USP30: variants seen among roughly 807,000 people sequenced by gnomAD.
USP30 encodes the protein ubiquitin carboxyl-terminal hydrolase 30.
A neutral mutation model predicts 68.2 loss-of-function variants in USP30; 41 were observed. That is an observed-to-expected ratio of 0.60 (90% CI 0.47 to 0.78). The LOEUF is 0.78. USP30 is among the 30% of genes least tolerant of loss of function. USP30 has a pLI of 0.00. For missense variants in USP30, 522 were observed against 649.4 expected (o/e 0.80, Z 2.13); for synonymous variants, 229 against 253.7 (o/e 0.90, Z 0.93).
chr12:109,072,433 T>G (rs2041475894), intron 6 of USP30, 83 bp downstream of exon 6: 4 of 1,398,110 alleles, frequency 2.9e-6, no homozygotes, highest in Non-Finnish European at 4.0e-6. Context: ...AAAAAGATTT[T>G]TTTCTGGTGA....
At chr12:109,080,832 A>G (rs576372996) in intron 7 of USP30, among the ~76,000 whole-genome samples, 1 of 152,318 alleles carries the variant, frequency 6.6e-6, no homozygotes, top group East Asian at 1.9e-4. Flanking sequence ...GTACGGTAAC[A>G]TGTTATACAG....
chr12:109,055,191 C>T lies in USP30; in HGVS notation c.84-1491C>T, dbSNP rs115332242. Reference sequence around the variant, plus strand: ...TCTTAATATGTAGCAAAAGCATAACCAGCGTTCAAGTCAAGCCTGAAGTTA... The same window carrying T: ...TCTTAATATGTAGCAAAAGCATAACTAGCGTTCAAGTCAAGCCTGAAGTTA... On this transcript the variant is annotated intron_variant, in intron 1 of 12. Transcript: ENST00000257548. 4.8e-3 allele frequency among the ~76,000 whole-genome samples: 723 copies of T among 151,184 alleles called. 8 individuals are homozygous for T. Among genetic ancestry groups the T allele is most frequent in the African/African-American group, 0.016 (649 of 41,254 alleles).
intron 3 of USP30, among the ~76,000 whole-genome samples, chr12:109,036,121 T>C (rs369487038): frequency 8.5e-5 from 13 of 152,314 alleles, no homozygotes; most frequent in South Asian, 8.3e-4. Context: ...GGTTTCACCA[T>C]TGCACTTAAG....
intron 3 of USP30, among the ~76,000 whole-genome samples, chr12:109,041,377 A>G (rs1365854289): frequency 6.6e-6 from 1 of 152,058 alleles, no homozygotes; most frequent in South Asian, 2.1e-4. Context: ...TGGCTCACTC[A>G]TGTAATCCCA....
At chr12:109,058,245 G>A in intron 3 of USP30, 137 bp downstream of exon 3, 1 of 974,136 alleles carries the variant, frequency 1.0e-6, no homozygotes, top group South Asian at 2.0e-5. Context: ...AACACCAAGA[G>A]CCCAATAGAT....
chr12:109,067,238 C>G (rs548298575), intron 3 of USP30, among the ~76,000 whole-genome samples: 1 of 151,042 alleles, frequency 6.6e-6, no homozygotes, highest in Non-Finnish European at 1.5e-5. Context: ...CTCAGCCTCC[C>G]GAGTACCTGG....
chr12:109,083,813 G>C (rs2041873582), intron 11 of USP30, among the ~76,000 whole-genome samples: 3 of 152,156 alleles, frequency 2.0e-5, no homozygotes, highest in South Asian at 2.1e-4. Flanking sequence ...TTCCTATTTA[G>C]GGTCCCTTAC....
chr12:109,073,627 T>A, intron 7 of USP30, 95 bp downstream of exon 7: 1 of 1,116,632 alleles, frequency 9.0e-7, no homozygotes, highest in Non-Finnish European at 1.3e-6. Context: ...CATCGGTCAC[T>A]GGTGTTAGAG....
rs538833844 is a variant in USP30, at chr12:109,067,368, C to T, written c.377-156C>T. ...TCCTGACCTTGTAATCTGCCCACTT[C>T]GGCCTCCCAAAATTCTGGGATTACA... On this transcript the variant is annotated intron_variant, in intron 3 of 12. Transcript: ENST00000257548. Among the ~76,000 whole-genome samples, 75 of 152,088 alleles carry T rather than the reference C, an allele frequency of 4.9e-4. 2 individuals carry two copies. In the South Asian group the frequency reaches 0.014, roughly 28 times the overall value.
At chr12:109,026,837 T>C (rs781580249) in intron 2 of USP30, among the ~76,000 whole-genome samples, 2 of 152,212 alleles carry the variant, frequency 1.3e-5, no homozygotes, top group African/African-American at 2.4e-5. Context: ...AGTTAGGTTC[T>C]GGTGAGGGCT....
intron 3 of USP30, among the ~76,000 whole-genome samples, chr12:109,059,755 T>G (rs190030434): frequency 1.9e-3 from 286 of 152,332 alleles, no homozygotes; most frequent in African/African-American, 6.6e-3. Context: ...TCAACTGATC[T>G]GCCTGCCTCA....
chr12:109,039,450 T>A (rs1416308517), intron 3 of USP30, among the ~76,000 whole-genome samples: 1 of 152,230 alleles, frequency 6.6e-6, no homozygotes, highest in Non-Finnish European at 1.5e-5. Flanking sequence ...GTTCCTACAA[T>A]GCTCTCATCT....
rs1244170964 is a variant in USP30 at position 109,070,630 on chromosome 12, T to G, written c.481-982T>G. On this transcript the variant is annotated intron_variant, in intron 4 of 12. Coordinates refer to ENST00000257548, the MANE Select transcript of USP30 (RefSeq NM_032663.5). This position sits in a 1 kb window ranked among gnomAD's most constrained non-coding sequence, Gnocchi z 4.0. ...TTTTAAAGTATTGCTCTGGTGGCAG[T>G]GTGAGGGGACACCAAAGGAGAAGCA... Among the ~76,000 whole-genome samples the G allele has an allele frequency of 6.6e-6, 1 of 152,118 alleles. No individual in the cohort carries two copies.
In USP30 at chr12:109,052,662, C is replaced by T. The variant is rs776496453; in HGVS notation, c.-17C>T. The T allele has an allele frequency of 5.7e-5, 86 of 1,497,610 alleles. No individual in the cohort carries two copies. The African/African-American group carries it at 1.2e-3, about 22-fold the overall frequency. The allele number at this position is 1,497,610 out of a possible 1,614,324, so 92.8% of individuals were successfully genotyped here. ...CGGTAGCGGAGGAGACGGTTTCAGG[C>T]CTCCGGTGCGGCTGCAATGCTGAGC... On this transcript the variant is annotated 5_prime_UTR_variant, in exon 1 of 13. Transcript: ENST00000257548.
chr12:109,057,276 A>G (rs1284763913), intron 2 of USP30, among the ~76,000 whole-genome samples: 2 of 152,162 alleles, frequency 1.3e-5, no homozygotes, highest in African/African-American at 4.8e-5. Context: ...AAGAAAGAAG[A>G]ATGTGGTGAA....
rs1258518685 is a variant in USP30, at chr12:109,055,405, T to A, written c.84-1277T>A. 5.6e-4 allele frequency among the ~76,000 whole-genome samples: 48 copies of A among 85,290 alleles called. 1 individual carries two copies. Among genetic ancestry groups the A allele is most frequent in the African/African-American group, 1.8e-3 (43 of 24,412 alleles). The allele number at this position is 85,290 out of a possible 152,430, so 56.0% of individuals were successfully genotyped here. A position where few individuals can be genotyped will look rare whatever the true frequency, so the allele number is the denominator to read the frequency against. ...ATATATATATATATATATATATTTTTTTTTTTTTTTTTTTTGAGGCAGAGT... is the reference window on the plus strand; with the variant it reads ...ATATATATATATATATATATATTTTATTTTTTTTTTTTTTTGAGGCAGAGT... On this transcript the variant is annotated intron_variant, in intron 1 of 12. Coordinates refer to ENST00000257548, the MANE Select transcript of USP30 (RefSeq NM_032663.5).
chr12:109,074,370 C>G (rs1024516516), intron 7 of USP30, among the ~76,000 whole-genome samples: 2 of 152,144 alleles, frequency 1.3e-5, no homozygotes, highest in Non-Finnish European at 2.9e-5. Flanking sequence ...TATATTTTCA[C>G]TTCAGTTGGG....
rs979709681 is a variant in USP30, at chr12:109,087,253, T to C, written c.*1322T>C. On this transcript the variant is annotated 3_prime_UTR_variant, in exon 13 of 13. Transcript: ENST00000257548. ...CAAATTCAAACCGACTCATCAGAGG[T>C]AAGATTTGGAATCAGACCTTTCCAA... 6.6e-6 allele frequency: 1 copy of C among 152,072 alleles called. No homozygotes were observed. Among genetic ancestry groups the C allele is most frequent in the Non-Finnish European group, 1.5e-5 (1 of 68,014 alleles). The allele number at this position is 152,072 out of a possible 1,614,324, so 9.4% of individuals were successfully genotyped here. A position where few individuals can be genotyped will look rare whatever the true frequency, so the allele number is the denominator to read the frequency against.
chr12:109,029,292 C>T (rs899788935), intron 3 of USP30, among the ~76,000 whole-genome samples: 2 of 152,152 alleles, frequency 1.3e-5, no homozygotes, highest in Non-Finnish European at 2.9e-5. Context: ...GGAGAATAAA[C>T]CTGAGAGGGG....
Sources: gnomAD v4.1 joint callset for allele counts (sites outside exome capture counted in the v4.1 genomes callset) on GRCh38, gnomAD v4.1.1 for gene constraint, Gnocchi (gnomAD v3.1) non-coding constraint, MANE v1.5 for transcripts, NCBI Gene and HGNC (gene_info 2026-07-23, HGNC 2026-07-21) for gene names.